The following WWOX variants were observed in gnomAD, a reference collection of about 807,000 sequenced individuals.
WWOX encodes the protein WW domain containing oxidoreductase.
Under a neutral mutation model 46.2 loss-of-function variants are expected in WWOX, and 69 were observed. The ratio of observed to expected loss-of-function variants is 1.49; its 90% CI spans 1.23 to 1.82. The LOEUF is 1.82. Among genes scored for constraint, WWOX ranks in the 40% most tolerant of loss-of-function variants. WWOX has a pLI of 0.00. For missense variants in WWOX, 919 were observed against 542.6 expected, an observed-to-expected ratio of 1.69 and a Z score of -6.89; for synonymous variants, 359 against 202.6, an observed-to-expected ratio of 1.77 and a Z score of -6.56.
At chr16:79,042,063 ACT>A (rs1214255078) in intron 8 of WWOX, among the ~76,000 whole-genome samples, 1 of 151,226 alleles carries the variant, frequency 6.6e-6, no homozygotes, top group Non-Finnish European at 1.5e-5. Context: ...AAACTGATTA[ACT>A]CTCTAGCTAC....
At chr16:78,611,216 G>A (rs1053386326) in intron 8 of WWOX, among the ~76,000 whole-genome samples, 7 of 152,130 alleles carry the variant, frequency 4.6e-5, no homozygotes, top group African/African-American at 1.2e-4. Flanking sequence ...GATTTGCTAC[G>A]TTCATTTCGT....
chr16:78,934,246 G>A (rs1038246829), intron 8 of WWOX, among the ~76,000 whole-genome samples: 2 of 148,818 alleles, frequency 1.3e-5, no homozygotes, highest in Non-Finnish European at 3.0e-5. Flanking sequence ...GCTGAGGCAG[G>A]AGAATGGCGT....
chr16:78,290,102 T>C (rs539639929), intron 5 of WWOX, among the ~76,000 whole-genome samples: 69 of 152,332 alleles, frequency 4.5e-4, no homozygotes, highest in Admixed American at 8.5e-4. Context: ...TTTTGTGCCT[T>C]GTGATGTGTT....
At chr16:78,938,657 G>T (rs904171982) in intron 8 of WWOX, among the ~76,000 whole-genome samples, 1 of 152,122 alleles carries the variant, frequency 6.6e-6, no homozygotes, top group East Asian at 1.9e-4. Context: ...TGCATTTACT[G>T]TGTACTAACT....
chr16:78,863,242 G>T (rs2043931197), intron 8 of WWOX, among the ~76,000 whole-genome samples: 1 of 152,134 alleles, frequency 6.6e-6, no homozygotes, highest in Admixed American at 6.5e-5. Flanking sequence ...ACAGGCGTGA[G>T]CCACCACTCC....
At chr16:78,793,926 T>C (rs2050673182) in intron 8 of WWOX, among the ~76,000 whole-genome samples, 1 of 151,842 alleles carries the variant, frequency 6.6e-6, no homozygotes, top group South Asian at 2.1e-4. Context: ...AAAAGTGAAA[T>C]TTTTGATATA....
intron 8 of WWOX, among the ~76,000 whole-genome samples, chr16:78,573,951 A>G (rs967569611): frequency 6.6e-6 from 1 of 152,220 alleles, no homozygotes; most frequent in Non-Finnish European, 1.5e-5. Flanking sequence ...GGTTTCACAA[A>G]GTTGCAATCA....
chr16:78,832,393 A>G lies in WWOX; in HGVS notation c.1057-379215A>G, dbSNP rs545858191. Among the ~76,000 whole-genome samples, 5 of 152,290 alleles carry G rather than the reference A, an allele frequency of 3.3e-5. No homozygotes were observed. In the South Asian group the frequency reaches 1.0e-3, roughly 32 times the overall value. ...TCTTAGACATCATGCACTGTCAAGC[A>G]CCGTAACTTTAGCTACATTCTATTG... On this transcript the variant is annotated intron_variant, in intron 8 of 8. Coordinates refer to ENST00000566780, the MANE Select transcript of WWOX (RefSeq NM_016373.4).
intron 6 of WWOX, among the ~76,000 whole-genome samples, chr16:78,420,935 T>C (rs1166858411): frequency 6.6e-6 from 1 of 152,184 alleles, no homozygotes; most frequent in Non-Finnish European, 1.5e-5. Flanking sequence ...CACATATTAA[T>C]TTTAATTTCC....
chr16:78,414,215 A>C (rs73571072), intron 6 of WWOX, among the ~76,000 whole-genome samples: 18,461 of 151,490 alleles, frequency 0.12, 3,273 homozygotes, highest in African/African-American at 0.4. Context: ...ACTGCCCTAC[A>C]CCTATTTCCC....
At chr16:78,838,549 A>C (rs1054458878) in intron 8 of WWOX, among the ~76,000 whole-genome samples, 18 of 152,358 alleles carry the variant, frequency 1.2e-4, no homozygotes, top group African/African-American at 3.8e-4. Context: ...TTATAAAAAT[A>C]GAAAACAGAT....
chr16:79,065,822 G>A (rs530983681), intron 8 of WWOX, among the ~76,000 whole-genome samples: 1 of 151,414 alleles, frequency 6.6e-6, no homozygotes, highest in Admixed American at 6.6e-5. Context: ...CTGCCAGCCC[G>A]TGGGGCTAGA....
chr16:78,697,793 G>A (rs572233497), intron 8 of WWOX, among the ~76,000 whole-genome samples: 1 of 152,214 alleles, frequency 6.6e-6, no homozygotes, highest in East Asian at 1.9e-4. Flanking sequence ...TCGGTATAGG[G>A]TTTAATCCCA....
At chr16:78,223,367 T>A (rs1316293945) in intron 5 of WWOX, among the ~76,000 whole-genome samples, 1 of 152,160 alleles carries the variant, frequency 6.6e-6, no homozygotes, top group African/African-American at 2.4e-5. Flanking sequence ...GTGCTGAGGC[T>A]GAGAAACCCT....
At chr16:78,884,832 CA>C in intron 8 of WWOX, among the ~76,000 whole-genome samples, 1 of 152,194 alleles carries the variant, frequency 6.6e-6, no homozygotes, top group South Asian at 2.1e-4. Context: ...AGTTCATGGA[CA>C]AATACAAAAT....
intron 5 of WWOX, among the ~76,000 whole-genome samples, chr16:78,324,957 G>A (rs894372934): frequency 1.3e-5 from 2 of 152,176 alleles, no homozygotes; most frequent in Non-Finnish European, 2.9e-5. Flanking sequence ...TAAAAAATCT[G>A]AAAGTGTCAA....
chr16:78,454,474 GTTGTGTTT>G (rs150801844), intron 8 of WWOX, among the ~76,000 whole-genome samples: 18,060 of 151,484 alleles, frequency 0.12, 1,674 homozygotes, highest in African/African-American at 0.25. Context: ...TTTCCCCTAG[GTTGTGTTT>G]TTGTGTTTTT....
chr16:79,183,342 G>A (rs1424434438), intron 8 of WWOX, among the ~76,000 whole-genome samples: 2 of 152,216 alleles, frequency 1.3e-5, no homozygotes, highest in Admixed American at 1.3e-4. Flanking sequence ...AAAATGAGAG[G>A]AGGGAGGGAC....
At chr16:78,352,273 G>A (rs1465453884) in intron 5 of WWOX, among the ~76,000 whole-genome samples, 2 of 152,194 alleles carry the variant, frequency 1.3e-5, no homozygotes, top group Non-Finnish European at 2.9e-5. Context: ...TATCTCTGCT[G>A]TAATAAATTT....
Sources: gnomAD v4.1 joint callset for allele counts (sites outside exome capture counted in the v4.1 genomes callset) on GRCh38, gnomAD v4.1.1 for gene constraint, MANE v1.5 for transcripts, NCBI Gene and HGNC (gene_info 2026-07-23, HGNC 2026-07-21) for gene names.